PCDH11X: variants seen among roughly 807,000 people sequenced by gnomAD.
The protein encoded by PCDH11X is protocadherin-11 X-linked.
In PCDH11X, 18 loss-of-function variants were observed where a neutral mutation model predicts 53.3. The ratio of observed to expected loss-of-function variants is 0.34; its 90% CI spans 0.23 to 0.50. The LOEUF is 0.50. Ranked by LOEUF, PCDH11X falls within the 20% of genes least tolerant of loss-of-function variation. PCDH11X has a pLI of 0.98. For missense variants in PCDH11X, 570 were observed against 1,032.4 expected (o/e 0.55, Z 6.14); for synonymous variants, 279 against 393.3 (o/e 0.71, Z 3.44).
intron 6 of PCDH11X, among the ~76,000 whole-genome samples, chrX:91,975,606 TAGG>T (rs1255515883): frequency 9.0e-6 from 1 of 110,561 alleles, no homozygotes; most frequent in Non-Finnish European, 1.9e-5. Context: ...TTTGGAGATC[TAGG>T]AGAAGGGAAG....
intron 10 of PCDH11X, among the ~76,000 whole-genome samples, chrX:92,523,972 GTTCT>G (rs2074407268): frequency 2.7e-5 from 3 of 109,408 alleles, no homozygotes; most frequent in Admixed American, 2.0e-4. Flanking sequence ...ATTAAGGTGA[GTTCT>G]TTCTGAGATC....
intron 9 of PCDH11X, among the ~76,000 whole-genome samples, chrX:92,458,947 C>T (rs1445360436): frequency 9.0e-6 from 1 of 111,377 alleles, no homozygotes; most frequent in African/African-American, 3.3e-5. Flanking sequence ...TTTTGAGGAA[C>T]CTCTATACTG....
chrX:92,340,766 G>A (rs1045337982), intron 8 of PCDH11X, among the ~76,000 whole-genome samples: 7 of 112,088 alleles, frequency 6.2e-5, no homozygotes, highest in Non-Finnish European at 1.1e-4. Flanking sequence ...TCTCTGAAAT[G>A]CCTCCAAGGC....
intron 6 of PCDH11X, among the ~76,000 whole-genome samples, chrX:92,130,777 A>G (rs1214924894): frequency 1.8e-5 from 2 of 111,357 alleles, no homozygotes; most frequent in Non-Finnish European, 1.9e-5. Context: ...AATTGCAAGC[A>G]CATTGCTTTG....
chrX:92,572,055 GT>G (rs1922270145), intron 10 of PCDH11X, among the ~76,000 whole-genome samples: 1 of 112,224 alleles, frequency 8.9e-6, no homozygotes, highest in South Asian at 3.7e-4. Flanking sequence ...AGAATGAATT[GT>G]AAATAACATT....
At chrX:92,568,781 A>C (rs1023906282) in intron 10 of PCDH11X, among the ~76,000 whole-genome samples, 2 of 111,211 alleles carry the variant, frequency 1.8e-5, no homozygotes, top group African/African-American at 6.5e-5. Context: ...GAAGGAGTCA[A>C]TAACGAAACA....
intron 6 of PCDH11X, among the ~76,000 whole-genome samples, chrX:92,142,609 A>AAGCTAAATATTTAATTGTTC: frequency 9.0e-6 from 1 of 110,965 alleles, no homozygotes; most frequent in Non-Finnish European, 1.9e-5. Context: ...ACAAATTGGT[A>AAGCTAAATATTTAATTGTTC]AGCTAAATAT....
intron 6 of PCDH11X, among the ~76,000 whole-genome samples, chrX:92,011,047 G>A (rs746796928): frequency 4.9e-4 from 54 of 110,723 alleles, no homozygotes; most frequent in Non-Finnish European, 6.8e-4. Flanking sequence ...TACTGCAAGC[G>A]GAATGATTTT....
At chrX:92,421,217 A>G (rs1368308530) in intron 9 of PCDH11X, among the ~76,000 whole-genome samples, 2 of 111,962 alleles carry the variant, frequency 1.8e-5, no homozygotes, top group Non-Finnish European at 3.8e-5. Context: ...TCACCCAAGT[A>G]AAAGCATAGT....
chrX:91,825,381 G>A (rs931892718), intron 4 of PCDH11X, among the ~76,000 whole-genome samples: 2 of 111,789 alleles, frequency 1.8e-5, no homozygotes, highest in African/African-American at 3.3e-5. Context: ...CTCGTGGTGC[G>A]CCGTTTTTTA....
At chrX:92,274,268 G>T (rs1201216750) in intron 8 of PCDH11X, among the ~76,000 whole-genome samples, 2 of 108,620 alleles carry the variant, frequency 1.8e-5, no homozygotes, top group African/African-American at 7.0e-5. Context: ...GCTTGGTGAG[G>T]TGCGTTTTTA....
chrX:92,059,997 G>A (rs1342875088), intron 6 of PCDH11X, among the ~76,000 whole-genome samples: 1 of 110,498 alleles, frequency 9.0e-6, no homozygotes, highest in Non-Finnish European at 1.9e-5. Flanking sequence ...TGCTTTCCTT[G>A]ATCCAATTAG....
At chrX:92,484,987 ATTG>A (rs1340891664) in intron 10 of PCDH11X, among the ~76,000 whole-genome samples, 2 of 110,674 alleles carry the variant, frequency 1.8e-5, no homozygotes, top group Admixed American at 1.9e-4. Context: ...AATTTTTGAA[ATTG>A]TTTCTTTAAA....
chrX:92,332,876 T>C (rs2069527857), intron 8 of PCDH11X, among the ~76,000 whole-genome samples: 1 of 111,846 alleles, frequency 8.9e-6, no homozygotes, highest in Non-Finnish European at 1.9e-5. Flanking sequence ...TGCTAGCTTA[T>C]CCTGATGCAT....
At chrX:92,110,582 C>T (rs1436398872) in intron 6 of PCDH11X, among the ~76,000 whole-genome samples, 2 of 111,109 alleles carry the variant, frequency 1.8e-5, no homozygotes, top group African/African-American at 6.6e-5. Flanking sequence ...CTGCATTTTA[C>T]ATAACAGACA....
intron 10 of PCDH11X, among the ~76,000 whole-genome samples, chrX:92,519,605 A>T (rs1418683577): frequency 1.8e-5 from 2 of 110,754 alleles, no homozygotes; most frequent in Admixed American, 9.7e-5. Context: ...TATCATAGTG[A>T]CGTCGTATTC....
At position 92,051,463 on chromosome X, in the gene PCDH11X, G is replaced by A. The variant is rs763321999; in HGVS notation, c.3034-149912G>A. ...ATTCCAAGCTGGTGGAAATGTACCT[G>A]TATATTAATTAGGTGTTTACTATTT... is the stretch of plus-strand genomic sequence containing the variant. On this transcript the variant is annotated intron_variant, in intron 6 of 10. Transcript: ENST00000682573. Among the ~76,000 whole-genome samples, 6 of 111,753 alleles carry A rather than the reference G, an allele frequency of 5.4e-5. No individual in the cohort carries two copies. In the South Asian group the frequency reaches 2.2e-3, roughly 41 times the overall value.
intron 5 of PCDH11X, among the ~76,000 whole-genome samples, chrX:91,871,758 T>A (rs1306687805): frequency 8.9e-6 from 1 of 111,814 alleles, no homozygotes; most frequent in East Asian, 2.8e-4. Context: ...CAACTTTCTC[T>A]TTTTTGATTT....
intron 10 of PCDH11X, among the ~76,000 whole-genome samples, chrX:92,574,566 T>A (rs1282269565): frequency 2.3e-4 from 26 of 110,910 alleles, no homozygotes; most frequent in Admixed American, 6.8e-4. Flanking sequence ...AGAGCAATAA[T>A]TCATTTTTTC....
Sources: gnomAD v4.1 joint callset for allele counts (sites outside exome capture counted in the v4.1 genomes callset) on GRCh38, gnomAD v4.1.1 for gene constraint, MANE v1.5 for transcripts, NCBI Gene and HGNC (gene_info 2026-07-23, HGNC 2026-07-21) for gene names.